COLGALT1: variants seen among roughly 807,000 people sequenced by gnomAD.
COLGALT1 encodes the protein procollagen galactosyltransferase 1.
In COLGALT1, 43 loss-of-function variants were observed where a neutral mutation model predicts 60.8. That is an observed-to-expected ratio of 0.71 (90% confidence interval 0.55 to 0.91). The LOEUF is 0.91. Ranked by LOEUF, COLGALT1 falls within the 40% of genes least tolerant of loss-of-function variation. COLGALT1 has a pLI of 0.00. For synonymous variants in COLGALT1, 369 were observed against 374.2 expected (o/e 0.99, Z 0.16); for missense variants, 845 against 880.0 (o/e 0.96, Z 0.50).
chr19:17,575,834 A>G (rs1782438094), intron 6 of COLGALT1, among the ~76,000 whole-genome samples: 1 of 152,110 alleles, frequency 6.6e-6, no homozygotes, highest in African/African-American at 2.4e-5. Context: ...CACACAAGCC[A>G]TGTGGATTAG....
intron 10 of COLGALT1, 102 bp downstream of exon 10, chr19:17,579,711 T>C (rs1244813742): frequency 7.1e-7 from 1 of 1,404,288 alleles, no homozygotes. Flanking sequence ...TGGGGATGGG[T>C]CATGGCTTAG....
intron 5 of COLGALT1, among the ~76,000 whole-genome samples, chr19:17,570,326 A>G (rs143681236): frequency 3.0e-4 from 46 of 151,894 alleles, no homozygotes; most frequent in Middle Eastern, 3.4e-3. Flanking sequence ...TGCAGCCTCA[A>G]CCTCCTGGGC....
Position 17,581,174 on chromosome 19 carries a change from C to A in COLGALT1, c.1602-3C>A, listed in dbSNP as rs766255783. The A allele has an allele frequency of 3.4e-5, 54 of 1,605,568 alleles. No homozygotes were observed. The highest frequency in any genetic ancestry group is 4.1e-5 in the Non-Finnish European group (48 of 1,176,854). On this transcript the variant is annotated splice_region_variant and splice_polypyrimidine_tract_variant and intron_variant, in intron 11 of 11. Coordinates refer to ENST00000252599, the MANE Select transcript of COLGALT1 (RefSeq NM_024656.4). The stretch of plus-strand genomic sequence containing the variant: ...CCCCTCACTCCCCTCCTCCTCCCCC[C>A]AGGTCCGAGTACAAGGCCCACTTCT...
intron 6 of COLGALT1, among the ~76,000 whole-genome samples, chr19:17,575,436 G>A (rs999913778): frequency 2.0e-5 from 3 of 152,098 alleles, no homozygotes; most frequent in Non-Finnish European, 4.4e-5. Context: ...TATTGGAGAT[G>A]GGGTTTCACT....
chr19:17,557,113 A>G (rs1012732470), intron 1 of COLGALT1, among the ~76,000 whole-genome samples: 23 of 152,122 alleles, frequency 1.5e-4, no homozygotes, highest in African/African-American at 5.6e-4. Flanking sequence ...TTTTGGCACT[A>G]CGGTCAAACT....
At chr19:17,570,374 G>A (rs2076305342) in intron 5 of COLGALT1, among the ~76,000 whole-genome samples, 1 of 151,794 alleles carries the variant, frequency 6.6e-6, no homozygotes, top group Non-Finnish European at 1.5e-5. Flanking sequence ...AGACTGGCTG[G>A]GGCTATAGGC....
intron 10 of COLGALT1, chr19:17,580,348 C>T: frequency 2.6e-6 from 1 of 387,702 alleles, no homozygotes; most frequent in Non-Finnish European, 4.8e-6. Context: ...ATAGTAACTG[C>T]ACCCCTCCAT....
chr19:17,569,891 C>CCTT (rs749016124), intron 5 of COLGALT1, among the ~76,000 whole-genome samples: 1,980 of 98,448 alleles, frequency 0.02, 111 homozygotes, highest in African/African-American at 0.073. Context: ...CCACTAATTA[C>CCTT]TTTTTTTTTT....
chr19:17,577,677 C>A (rs1251396765), intron 8 of COLGALT1, among the ~76,000 whole-genome samples: 1 of 152,114 alleles, frequency 6.6e-6, no homozygotes, highest in Admixed American at 6.5e-5. Flanking sequence ...GCAAGTGAGT[C>A]CTGACCCAGG....
chr19:17,560,208 T>G, intron 2 of COLGALT1, 140 bp from the exon 3 acceptor site: 8 of 621,732 alleles, frequency 1.3e-5, no homozygotes, highest in Non-Finnish European at 2.0e-5. Context: ...TCCTCGTCGT[T>G]TACTTTTTCC....
chr19:17,567,546 G>T lies in COLGALT1; in HGVS notation c.624+6G>T, dbSNP rs752963250. ...GGTGTGGAATGACTTCCCAGGTAGA[G>T]TGAGGGCCTGGGGACTGTGGGGACT... On this transcript the variant is annotated splice_donor_region_variant and intron_variant, in intron 4 of 11. Transcript: ENST00000252599. 2 of 1,611,446 alleles carry T rather than the reference G, an allele frequency of 1.2e-6. No individual in the cohort carries two copies. Among genetic ancestry groups the T allele is most frequent in the East Asian group, 4.5e-5 (2 of 44,820 alleles).
intron 5 of COLGALT1, among the ~76,000 whole-genome samples, 169 bp downstream of exon 5, chr19:17,568,882 C>A (rs369401389): frequency 5.5e-4 from 83 of 152,274 alleles, no homozygotes; most frequent in African/African-American, 1.8e-3. Context: ...TCCAGGACCC[C>A]GTTTCTCTCC....
At chr19:17,559,160 A>G in intron 1 of COLGALT1, 151 bp from the exon 2 acceptor site, 4 of 624,402 alleles carry the variant, frequency 6.4e-6, no homozygotes, top group Non-Finnish European at 8.9e-6. Context: ...ACTCTGTCTC[A>G]AAAAAAAACA....
At chr19:17,560,073 G>C (rs1300460328) in intron 2 of COLGALT1, among the ~76,000 whole-genome samples, 1 of 152,040 alleles carries the variant, frequency 6.6e-6, no homozygotes, top group Non-Finnish European at 1.5e-5. Context: ...CGCAGGCGTG[G>C]GCCACTGCAC....
intron 1 of COLGALT1, 121 bp downstream of exon 1, chr19:17,556,094 T>G: frequency 9.0e-7 from 1 of 1,109,782 alleles, no homozygotes; most frequent in Non-Finnish European, 1.1e-6. Context: ...CCGCGCGTGC[T>G]TCCTGCTCGC....
rs749882172 is a variant in COLGALT1, at chr19:17,572,507, A to G, written c.854A>G (p.Lys285Arg). Reference protein sequence around the residue: ...QAEVQMYVCNKEEYGFLPVPL... With the variant: ...QAEVQMYVCNREEYGFLPVPL... ...GAGGTTCAGATGTATGTGTGCAACA[A>G]GGAGGAGTACGGATTCTTGCCAGTG... The change falls in exon 6 of 12, where the codon AAG (lysine) becomes AGG (arginine). Residue 285 changes from lysine (K) to arginine (R), a missense_variant. Lys to Arg is a conservative substitution (Grantham distance 26, BLOSUM62 2). Coordinates refer to ENST00000252599, the MANE Select transcript of COLGALT1 (RefSeq NM_024656.4). 1 of 1,614,124 alleles carries G rather than the reference A, an allele frequency of 6.2e-7. No individual in the cohort carries two copies. The highest frequency in any genetic ancestry group is 1.7e-5 in the Admixed American group (1 of 60,010).
chr19:17,555,868 C>G lies in COLGALT1; in HGVS notation c.155C>G (p.Pro52Arg). The G allele has an allele frequency of 7.3e-7, 1 of 1,378,408 alleles. No individual in the cohort carries two copies. Among genetic ancestry groups the G allele is most frequent in the Non-Finnish European group, 9.4e-7 (1 of 1,062,238 alleles). The allele number at this position is 1,378,408 out of a possible 1,614,324, so 85.4% of individuals were successfully genotyped here. The change falls in exon 1 of 12, where the codon CCG becomes CGG. Residue 52 changes from proline to arginine, a missense_variant. Transcript: ENST00000252599. The part of the protein sequence containing the change: ...RWSPESPLQA[P>R]RVLIALLARN... ...AGCCCGGAGTCGCCCCTGCAGGCGC[C>G]GCGCGTGCTCATCGCGCTGTTGGCG...
At chr19:17,557,304 AC>A (rs1343848650) in intron 1 of COLGALT1, among the ~76,000 whole-genome samples, 3 of 152,054 alleles carry the variant, frequency 2.0e-5, no homozygotes, top group African/African-American at 7.2e-5. Context: ...TTTGAGATAT[AC>A]TTTTTTTTTT....
At chr19:17,563,191 T>G (rs1028699083) in intron 3 of COLGALT1, among the ~76,000 whole-genome samples, 1 of 145,836 alleles carries the variant, frequency 6.9e-6, no homozygotes, top group Non-Finnish European at 1.5e-5. Context: ...GTGTTTCTTT[T>G]TTTTTTTTTT....
Sources: gnomAD v4.1 joint callset for allele counts (sites outside exome capture counted in the v4.1 genomes callset) on GRCh38, gnomAD v4.1.1 for gene constraint, MANE v1.5 for transcripts, NCBI Gene and HGNC (gene_info 2026-07-23, HGNC 2026-07-21) for gene names.